The following MYH15 variants were observed in gnomAD, a reference collection of about 807,000 sequenced individuals.
MYH15 encodes the protein myosin-15.
MYH15 carries 227 observed loss-of-function variants against 240.5 expected under a neutral mutation model. The observed-to-expected ratio is 0.94, with a 90% CI of 0.85 to 1.05. The LOEUF is 1.05. MYH15 is among the 50% of genes least tolerant of loss of function. The pLI is 0.00. For synonymous variants in MYH15, 785 were observed against 796.7 expected (o/e 0.99, Z 0.25); for missense variants, 2,217 against 2,247.5 (o/e 0.99, Z 0.27).
intron 21 of MYH15, among the ~76,000 whole-genome samples, chr3:108,448,297 A>G (rs1457083225): frequency 6.6e-6 from 1 of 152,082 alleles, no homozygotes; most frequent in Non-Finnish European, 1.5e-5. Flanking sequence ...AAGTTCACCA[A>G]TCAAAAGACA....
At chr3:108,491,319 T>A (rs942204156) in intron 9 of MYH15, among the ~76,000 whole-genome samples, 2 of 152,230 alleles carry the variant, frequency 1.3e-5, no homozygotes, top group South Asian at 4.1e-4. Context: ...GGTGTACACA[T>A]AGCAGCTCCA....
chr3:108,521,524 A>G (rs2083617794), intron 1 of MYH15, among the ~76,000 whole-genome samples: 1 of 152,190 alleles, frequency 6.6e-6, no homozygotes, highest in African/African-American at 2.4e-5. Context: ...ACTGAGCAAT[A>G]AAAGAATAGA....
intron 21 of MYH15, among the ~76,000 whole-genome samples, chr3:108,445,483 A>G (rs1359714510): frequency 1.3e-5 from 2 of 152,154 alleles, no homozygotes; most frequent in African/African-American, 4.8e-5. Context: ...TACTGCCTGA[A>G]TGATACACAA....
upstream of MYH15, among the ~76,000 whole-genome samples, chr3:108,532,437 A>T (rs2083717943): frequency 6.6e-6 from 1 of 152,092 alleles, no homozygotes; most frequent in Non-Finnish European, 1.5e-5. Context: ...TGACTAAAAC[A>T]TTGTCTCTTC....
rs781652713 is a variant in MYH15 at position 108,476,412 on chromosome 3, A to G, written c.1218T>C (p.Gly406=). The change falls in exon 12 of 41, where the codon GGT becomes GGC. Residue 406 remains glycine (G), a synonymous_variant. Transcript: ENST00000693548. Reference sequence around the variant, plus strand: ...ATCACCTTACCTGTTCTATAGTTTGACCTCTGGTAACATATTCGTTACCAA... The same window carrying G: ...ATCACCTTACCTGTTCTATAGTTTGGCCTCTGGTAACATATTCGTTACCAA... The part of the protein sequence containing the change: ...IKVGNEYVTR[G]QTIEQVTCAV... 1 of 1,596,436 alleles carries G rather than the reference A, an allele frequency of 6.3e-7. No homozygotes were observed. Among genetic ancestry groups the G allele is most frequent in the Admixed American group, 1.7e-5 (1 of 59,884 alleles).
rs979176630 is a variant in MYH15 at position 108,501,227 on chromosome 3, T to G, written c.339+485A>C. Among the ~76,000 whole-genome samples, 4 of 152,324 alleles carry G rather than the reference T, an allele frequency of 2.6e-5. No homozygotes were observed. The East Asian group carries it at 7.7e-4, about 29-fold the overall frequency. ...TCTACTCAGCACTGTTTCTGCTGCA[T>G]AGGTTTTGAGTAAGTCAAAGAACTT... On this transcript the variant is annotated intron_variant, in intron 3 of 40. Coordinates refer to ENST00000693548, the MANE Select transcript of MYH15 (RefSeq NM_014981.3).
At chr3:108,512,880 C>T (rs141787019), upstream of MYH15, among the ~76,000 whole-genome samples, 1,013 of 152,098 alleles carry the variant, frequency 6.7e-3, 13 homozygotes, top group African/African-American at 0.023. Flanking sequence ...AGGAGTGGGG[C>T]GGGCCTGGCA....
intron 38 of MYH15, among the ~76,000 whole-genome samples, chr3:108,388,273 T>C (rs1372259512): frequency 6.6e-6 from 1 of 152,194 alleles, no homozygotes; most frequent in African/African-American, 2.4e-5. Flanking sequence ...ACAGTGCCTC[T>C]GCCATCAGAG....
chr3:108,543,342 T>A, the MYH15 span: 2 of 152,216 alleles, frequency 1.3e-5, no homozygotes, highest in Non-Finnish European at 2.9e-5. Flanking sequence ...TATAACAGAA[T>A]GATTTATATT....
intron 30 of MYH15, among the ~76,000 whole-genome samples, chr3:108,412,006 A>C (rs2082597414): frequency 6.6e-6 from 1 of 152,228 alleles, no homozygotes; most frequent in South Asian, 2.1e-4. Flanking sequence ...GCTTTACCTG[A>C]CTTAAGGCAG....
chr3:108,408,583 T>C (rs988178223), intron 31 of MYH15, among the ~76,000 whole-genome samples, 179 bp from the exon 32 acceptor site: 3 of 152,228 alleles, frequency 2.0e-5, no homozygotes, highest in Admixed American at 6.5e-5. Flanking sequence ...TTTTTTCATA[T>C]AGTCTTTTGC....
intron 33 of MYH15, 42 bp from the exon 34 acceptor site, chr3:108,399,309 C>G: frequency 6.9e-7 from 1 of 1,441,766 alleles, no homozygotes. Flanking sequence ...ATGACACATC[C>G]AAATTAATCA....
upstream of MYH15, among the ~76,000 whole-genome samples, chr3:108,531,169 C>A (rs540178231): frequency 1.3e-5 from 2 of 152,084 alleles, no homozygotes; most frequent in Non-Finnish European, 2.9e-5. Context: ...AGGTGGTAAC[C>A]ATAATACAAC....
rs778543334 is a variant in MYH15, at chr3:108,441,266, A to G, written c.2656-6T>C. The G allele has an allele frequency of 1.9e-6, 3 of 1,613,338 alleles. No homozygotes were observed. The Admixed American group carries it at 5.0e-5, about 27-fold the overall frequency. On this transcript the variant is annotated splice_polypyrimidine_tract_variant and splice_region_variant and intron_variant, in intron 22 of 40. Transcript: ENST00000693548. ...TTTGCCAGTGTCTCTTGCTCCTGCC[A>G]TGATGAGGAGAAAATTGTTGCCAAC... is the stretch of plus-strand genomic sequence containing the variant.
chr3:108,512,755 G>A (rs1378934568), upstream of MYH15, among the ~76,000 whole-genome samples: 1 of 152,076 alleles, frequency 6.6e-6, no homozygotes, highest in Non-Finnish European at 1.5e-5. Flanking sequence ...CAGCAAAACA[G>A]AGCACACAGC....
At chr3:108,440,454 C>T (rs1035960793) in intron 23 of MYH15, among the ~76,000 whole-genome samples, 2 of 152,172 alleles carry the variant, frequency 1.3e-5, no homozygotes, top group Admixed American at 6.5e-5. Flanking sequence ...GCCAAAATTA[C>T]GGTGTCACTT....
At position 108,414,345 on chromosome 3, in the gene MYH15, C is replaced by T. The variant is rs201314948; in HGVS notation, c.4032G>A (p.Glu1344=). The T allele has an allele frequency of 1.1e-5, 18 of 1,614,174 alleles. No individual in the cohort carries two copies. In the African/African-American group the frequency reaches 1.7e-4, roughly 16 times the overall value. ...AGGTCCGGTGCAGCTCAGCCTTGAC[C>T]TCTTGTTCTTCCTCATACTGCTCTC... ...LLREQYEEEQ[E]VKAELHRTLS... is the part of the protein sequence containing the mutation. Residue 1344 remains glutamate, a synonymous_variant, in exon 30 of 41, where the codon GAG becomes GAA. Transcript: ENST00000693548.
chr3:108,497,290 T>C (rs2083399008), intron 6 of MYH15, among the ~76,000 whole-genome samples: 1 of 150,496 alleles, frequency 6.6e-6, no homozygotes, highest in Non-Finnish European at 1.5e-5. Context: ...GCTATTTTAA[T>C]ATATTTCTTA....
At chr3:108,512,962 A>G (rs1323986251), upstream of MYH15, among the ~76,000 whole-genome samples, 1 of 152,164 alleles carries the variant, frequency 6.6e-6, no homozygotes, top group Non-Finnish European at 1.5e-5. Context: ...AAATCCTTCT[A>G]TCTCCTTGGC....
Sources: allele counts gnomAD v4.1 joint callset (sites outside exome capture counted in the v4.1 genomes callset), GRCh38; gene constraint gnomAD v4.1.1; transcripts MANE v1.5; gene names NCBI Gene and HGNC (gene_info 2026-07-23, HGNC 2026-07-21).